Variants in PDE1C observed in about 807,000 individuals in gnomAD.
PDE1C encodes the protein phosphodiesterase 1C.
Under a neutral mutation model 93.1 loss-of-function variants are expected in PDE1C, and 62 were observed. The observed-to-expected ratio is 0.67, with a 90% CI of 0.54 to 0.82. PDE1C has a LOEUF of 0.82. Among genes scored for constraint, PDE1C ranks in the 40% least tolerant of loss-of-function variants. The pLI is 0.00. For missense variants in PDE1C, 742 were observed against 884.6 expected (o/e 0.84, Z 2.04); for synonymous variants, 325 against 310.1 (o/e 1.05, Z -0.50).
chr7:32,337,449 T>A (rs1234329482), intron 1 of PDE1C, among the ~76,000 whole-genome samples: 1 of 152,138 alleles, frequency 6.6e-6, no homozygotes, highest in Non-Finnish European at 1.5e-5. Flanking sequence ...ATGAAAAAAA[T>A]TATATTAAAA....
the PDE1C span, among the ~76,000 whole-genome samples, chr7:31,664,906 G>A: frequency 3.3e-3 from 498 of 152,246 alleles, no homozygotes; most frequent in African/African-American, 0.011. Flanking sequence ...TCAACAGCCA[G>A]AGTGGCCTTT....
intron 1 of PDE1C, among the ~76,000 whole-genome samples, chr7:32,246,468 C>G (rs1192147606): frequency 1.3e-5 from 2 of 152,104 alleles, no homozygotes; most frequent in Admixed American, 1.3e-4. Context: ...ACTGCCACAG[C>G]GAACACAGCC....
At chr7:32,254,829 G>C (rs1809668706) in intron 1 of PDE1C, among the ~76,000 whole-genome samples, 1 of 152,094 alleles carries the variant, frequency 6.6e-6, no homozygotes, top group Non-Finnish European at 1.5e-5. Flanking sequence ...AGGGGTCTAA[G>C]ACCCTGCAAT....
chr7:31,810,837 C>G lies in PDE1C; in HGVS notation c.1814-1729G>C, dbSNP rs115442120. On this transcript the variant is annotated intron_variant, in intron 15 of 17. Transcript: ENST00000396191. ...TGTTTACTATTTCCATTTCTAAATGCCTTTGGCCTATGAATTTATAAAGAA... is the reference window on the plus strand; with the variant it reads ...TGTTTACTATTTCCATTTCTAAATGGCTTTGGCCTATGAATTTATAAAGAA... Among the ~76,000 whole-genome samples the G allele has an allele frequency of 2.3e-3, 350 of 152,214 alleles. 2 individuals are homozygous for G. The highest frequency in any genetic ancestry group is 7.9e-3 in the African/African-American group (328 of 41,532).
intron 1 of PDE1C, among the ~76,000 whole-genome samples, chr7:32,258,201 G>T (rs10223907): frequency 6.6e-6 from 1 of 152,164 alleles, no homozygotes; most frequent in African/African-American, 2.4e-5. Context: ...CTGCCCACAA[G>T]CTGGGGACCA....
intron 3 of PDE1C, chr7:32,078,120 G>A (rs1233510898): frequency 4.2e-6 from 3 of 710,210 alleles, no homozygotes; most frequent in Non-Finnish European, 5.2e-6. Context: ...TGACCCAAAG[G>A]TACATAAATC....
At chr7:32,070,413 C>G, upstream of PDE1C, 1 of 1,613,954 alleles carries the variant, frequency 6.2e-7, no homozygotes. Flanking sequence ...TAGGTGACCA[C>G]TGGCGGTGAA....
At chr7:32,156,239 A>G (rs1050227933) in intron 3 of PDE1C, among the ~76,000 whole-genome samples, 1 of 152,164 alleles carries the variant, frequency 6.6e-6, no homozygotes, top group Non-Finnish European at 1.5e-5. Flanking sequence ...TCACCTAGGT[A>G]TTAAGCCTCA....
intron 2 of PDE1C, among the ~76,000 whole-genome samples, chr7:32,018,510 GTAC>G (rs752896739): frequency 1.3e-5 from 2 of 152,138 alleles, no homozygotes; most frequent in African/African-American, 2.4e-5. Context: ...GAACTGATAT[GTAC>G]TACAACATGG....
intron 1 of PDE1C, among the ~76,000 whole-genome samples, chr7:32,241,519 A>G (rs1808544395): frequency 6.6e-6 from 1 of 152,176 alleles, no homozygotes; most frequent in South Asian, 2.1e-4. Flanking sequence ...GGACTGGTGT[A>G]GACTGAAGAG....
chr7:31,919,536 G>A (rs1802348260), intron 2 of PDE1C, among the ~76,000 whole-genome samples: 1 of 151,948 alleles, frequency 6.6e-6, no homozygotes, highest in Admixed American at 6.6e-5. Flanking sequence ...GATTCTTCTG[G>A]TCAAGAGAGA....
At chr7:32,031,471 C>T (rs1249879091) in intron 2 of PDE1C, among the ~76,000 whole-genome samples, 1 of 152,120 alleles carries the variant, frequency 6.6e-6, no homozygotes, top group Non-Finnish European at 1.5e-5. Flanking sequence ...TCAAGGGCAA[C>T]CCTTCAGAGA....
At chr7:31,961,275 C>A (rs1808913612) in intron 2 of PDE1C, among the ~76,000 whole-genome samples, 1 of 151,250 alleles carries the variant, frequency 6.6e-6, no homozygotes, top group Admixed American at 6.6e-5. Flanking sequence ...CACACACAGG[C>A]TATTATACAT....
chr7:32,232,674 C>T (rs1489480595), intron 1 of PDE1C, among the ~76,000 whole-genome samples: 1 of 152,192 alleles, frequency 6.6e-6, no homozygotes, highest in Admixed American at 6.5e-5. Context: ...AACTTCTGGA[C>T]TCATCTGTGA....
At chr7:31,631,755 G>C in the PDE1C span, among the ~76,000 whole-genome samples, 8 of 152,306 alleles carry the variant, frequency 5.3e-5, no homozygotes, top group Non-Finnish European at 7.3e-5. Context: ...AGTGCTAATG[G>C]AAGTAATTCA....
At chr7:32,260,553 T>A (rs772201354) in intron 1 of PDE1C, among the ~76,000 whole-genome samples, 1 of 152,180 alleles carries the variant, frequency 6.6e-6, no homozygotes, top group Non-Finnish European at 1.5e-5. Context: ...TGTGGAGCGA[T>A]CTCGCCTTCC....
At chr7:32,417,882 A>C (rs1785306880) in intron 1 of PDE1C, among the ~76,000 whole-genome samples, 1 of 152,208 alleles carries the variant, frequency 6.6e-6, no homozygotes, top group Non-Finnish European at 1.5e-5. Context: ...TTTGAATGCT[A>C]TCTCTTGTTG....
At chr7:32,037,494 C>T (rs1791264205) in intron 2 of PDE1C, among the ~76,000 whole-genome samples, 1 of 152,126 alleles carries the variant, frequency 6.6e-6, no homozygotes, top group South Asian at 2.1e-4. Flanking sequence ...ACTATCTGCT[C>T]ATAGTATTCC....
chr7:31,949,718 A>G (rs1202978307), intron 2 of PDE1C, among the ~76,000 whole-genome samples: 2 of 152,158 alleles, frequency 1.3e-5, no homozygotes, highest in African/African-American at 4.8e-5. Flanking sequence ...TTTACATAAA[A>G]TTTCACCCAA....
Sources: allele counts gnomAD v4.1 joint callset (sites outside exome capture counted in the v4.1 genomes callset), GRCh38; gene constraint gnomAD v4.1.1; transcripts MANE v1.5; gene names NCBI Gene and HGNC (gene_info 2026-07-23, HGNC 2026-07-21).